The following RBMS3 variants were observed in gnomAD, a reference collection of about 807,000 sequenced individuals.
RBMS3 encodes the protein RNA binding motif single stranded interacting protein 3.
RBMS3 carries 27 observed loss-of-function variants against 66.8 expected under a neutral mutation model. The observed-to-expected ratio is 0.40, with a 90% CI of 0.30 to 0.56. The LOEUF is 0.56. Among genes scored for constraint, RBMS3 ranks in the 20% least tolerant of loss-of-function variants. The pLI, the probability that RBMS3 is intolerant of heterozygous loss-of-function variation, is 0.40. For synonymous variants in RBMS3, 188 were observed against 183.0 expected, an observed-to-expected ratio of 1.03 and a Z score of -0.22; for missense variants, 513 against 549.5, an observed-to-expected ratio of 0.93 and a Z score of 0.66.
chr3:29,427,575 G>A (rs1249336251), intron 1 of RBMS3, among the ~76,000 whole-genome samples: 2 of 152,300 alleles, frequency 1.3e-5, no homozygotes, highest in Admixed American at 6.5e-5. Flanking sequence ...ACATGTGTAC[G>A]TGCAAGCTAA....
intron 12 of RBMS3, among the ~76,000 whole-genome samples, chr3:29,947,216 T>C (rs1484438325): frequency 1.3e-5 from 2 of 151,560 alleles, no homozygotes; most frequent in Non-Finnish European, 3.0e-5. Flanking sequence ...TGGGAGCAGG[T>C]GGCCACAGTG....
At chr3:29,999,761 GGTGGGGGGA>G (rs1699490223) in intron 14 of RBMS3, among the ~76,000 whole-genome samples, 1 of 151,984 alleles carries the variant, frequency 6.6e-6, no homozygotes, top group African/African-American at 2.4e-5. Context: ...ACTGTTGTGG[GGTGGGGGGA>G]GTGGGGAGGG....
intron 2 of RBMS3, among the ~76,000 whole-genome samples, chr3:29,463,797 A>G (rs1290838806): frequency 6.6e-6 from 1 of 151,894 alleles, no homozygotes; most frequent in African/African-American, 2.4e-5. Context: ...TTCCTTCTTT[A>G]CCCCCTAACC....
Position 29,502,904 on chromosome 3 carries a change from G to A in RBMS3, c.307+14405G>A, listed in dbSNP as rs946619132. On this transcript the variant is annotated intron_variant, in intron 3 of 14. Transcript: ENST00000383767. Reference sequence around the variant, plus strand: ...GCTTCTTTAAAGGGCCTATGTGGTCGTTTCAGAGCAAATGCTCTCTTTCAT... The same window carrying A: ...GCTTCTTTAAAGGGCCTATGTGGTCATTTCAGAGCAAATGCTCTCTTTCAT... Among the ~76,000 whole-genome samples, 11 of 152,026 alleles carry A rather than the reference G, an allele frequency of 7.2e-5. 1 individual carries two copies. The highest frequency in any genetic ancestry group is 5.8e-4 in the East Asian group (3 of 5,172).
intron 3 of RBMS3, among the ~76,000 whole-genome samples, chr3:29,566,680 C>T (rs539662285): frequency 1.3e-4 from 19 of 148,656 alleles, no homozygotes; most frequent in South Asian, 6.4e-4. Flanking sequence ...ATACATTGTG[C>T]GATTCAATTA....
intron 4 of RBMS3, among the ~76,000 whole-genome samples, chr3:29,715,780 T>A (rs555749011): frequency 6.6e-6 from 1 of 152,260 alleles, no homozygotes; most frequent in South Asian, 2.1e-4. Context: ...CAGGGTATAC[T>A]ACCTGCTGAG....
intron 1 of RBMS3, among the ~76,000 whole-genome samples, chr3:29,420,564 T>G (rs1163968951): frequency 7.5e-6 from 1 of 132,976 alleles, no homozygotes; most frequent in Non-Finnish European, 1.7e-5. Context: ...AGGTTTGTTT[T>G]TTTTTGTTTT....
intron 7 of RBMS3, among the ~76,000 whole-genome samples, chr3:29,871,487 A>G (rs561946098): frequency 6.6e-6 from 1 of 152,100 alleles, no homozygotes; most frequent in South Asian, 2.1e-4. Context: ...TTTGTTTTTC[A>G]TTTACCATTA....
Position 29,704,262 on chromosome 3 carries a change from C to T in RBMS3, c.400-35458C>T, listed in dbSNP as rs771044384. 2.4e-4 allele frequency among the ~76,000 whole-genome samples: 37 copies of T among 152,136 alleles called. 1 individual carries two copies. The highest frequency in any genetic ancestry group is 2.6e-4 in the Non-Finnish European group (18 of 68,028). On this transcript the variant is annotated intron_variant, in intron 4 of 14. Coordinates refer to ENST00000383767, the MANE Select transcript of RBMS3 (RefSeq NM_001003793.3). ...CTTCCACAAAACTGGTCCCTGGTGCCGTAAAGGTTGGGGACCCCTGATTTA... is the reference window on the plus strand; with the variant it reads ...CTTCCACAAAACTGGTCCCTGGTGCTGTAAAGGTTGGGGACCCCTGATTTA...
At chr3:29,563,499 T>C (rs890251027) in intron 3 of RBMS3, among the ~76,000 whole-genome samples, 2 of 152,138 alleles carry the variant, frequency 1.3e-5, no homozygotes, top group African/African-American at 4.8e-5. Flanking sequence ...CCTCAACCAG[T>C]TTCAGGCAAT....
intron 5 of RBMS3, among the ~76,000 whole-genome samples, chr3:29,750,134 T>G (rs1346459045): frequency 6.6e-6 from 1 of 152,120 alleles, no homozygotes. Context: ...TGAAATAACT[T>G]TTGATTGACG....
intron 1 of RBMS3, among the ~76,000 whole-genome samples, chr3:29,386,931 T>C: frequency 6.6e-6 from 1 of 152,238 alleles, no homozygotes; most frequent in East Asian, 1.9e-4. Flanking sequence ...CTTTAAAATC[T>C]TGGTAACATT....
chr3:29,296,845 G>A (rs955228073), intron 1 of RBMS3, among the ~76,000 whole-genome samples: 1 of 150,876 alleles, frequency 6.6e-6, no homozygotes, highest in African/African-American at 2.4e-5. Context: ...GAAACTCAGG[G>A]AGTTTTTCCT....
In RBMS3 at chr3:29,397,206, G is replaced by T. The variant is rs767569411; in HGVS notation, c.76-37537G>T. On this transcript the variant is annotated intron_variant, in intron 1 of 14. Coordinates refer to ENST00000383767, the MANE Select transcript of RBMS3 (RefSeq NM_001003793.3). The stretch of plus-strand genomic sequence containing the variant: ...ACACAATTTCCAGGATGACATGGCA[G>T]ATTAGGAGTTTGTGTGTTATATGTA... Among the ~76,000 whole-genome samples, 150 of 152,258 alleles carry T rather than the reference G, an allele frequency of 9.9e-4. 1 individual carries two copies. Among genetic ancestry groups the T allele is most frequent in the Non-Finnish European group, 1.8e-3 (125 of 68,006 alleles).
At chr3:29,756,359 G>A (rs181293223) in intron 5 of RBMS3, among the ~76,000 whole-genome samples, 5 of 152,188 alleles carry the variant, frequency 3.3e-5, no homozygotes, top group East Asian at 1.9e-4. Flanking sequence ...AGAAATACCT[G>A]AGACTGAGTA....
intron 1 of RBMS3, among the ~76,000 whole-genome samples, chr3:29,420,988 C>T (rs2040701369): frequency 6.7e-6 from 1 of 148,468 alleles, no homozygotes; most frequent in African/African-American, 2.4e-5. Context: ...TGGCGGGCGC[C>T]TGTAGTCCCA....
intron 8 of RBMS3, among the ~76,000 whole-genome samples, chr3:29,888,574 TATAC>T: frequency 6.6e-6 from 1 of 151,842 alleles, no homozygotes; most frequent in Admixed American, 6.6e-5. Context: ...CTCCCAAGTC[TATAC>T]TTCAAGTGTG....
At chr3:29,577,874 T>C (rs2047177857) in intron 3 of RBMS3, among the ~76,000 whole-genome samples, 1 of 152,238 alleles carries the variant, frequency 6.6e-6, no homozygotes, top group Non-Finnish European at 1.5e-5. Flanking sequence ...AATTAGGTAC[T>C]GGGATTGCTC....
At chr3:29,729,494 T>C (rs1176532266) in intron 4 of RBMS3, among the ~76,000 whole-genome samples, 1 of 152,150 alleles carries the variant, frequency 6.6e-6, no homozygotes. Flanking sequence ...ATCTTTTGGG[T>C]ATATACCCAG....
Sources: allele counts gnomAD v4.1 joint callset (sites outside exome capture counted in the v4.1 genomes callset), GRCh38; gene constraint gnomAD v4.1.1; transcripts MANE v1.5; gene names NCBI Gene and HGNC (gene_info 2026-07-23, HGNC 2026-07-21).